Variants in WDR86 observed in about 807,000 individuals in gnomAD.
WDR86 encodes the protein WD repeat domain 86, also known as WD repeat-containing protein 86.
Under a neutral mutation model 36.5 loss-of-function variants are expected in WDR86, and 30 were observed. The observed-to-expected ratio is 0.82, with a 90% CI of 0.61 to 1.11. The LOEUF (loss-of-function observed/expected upper bound fraction) is 1.11, where lower values mean the gene tolerates loss of function less well. Ranked by LOEUF, WDR86 falls within the 50% of genes most tolerant of loss-of-function variation. WDR86 has a pLI of 0.00. For missense variants in WDR86, 545 were observed against 561.2 expected, an observed-to-expected ratio of 0.97 and a Z score of 0.29; for synonymous variants, 255 against 252.9, an observed-to-expected ratio of 1.01 and a Z score of -0.08.
At chr7:151,410,621 T>A (rs1172244279), upstream of WDR86, 2 of 152,272 alleles carry the variant, frequency 1.3e-5, no homozygotes, top group East Asian at 3.9e-4. Context: ...TCCCTCGGCC[T>A]GGGGCGCCTC....
intron 3 of WDR86, among the ~76,000 whole-genome samples, chr7:151,391,823 G>A (rs1256984099): frequency 1.3e-5 from 2 of 151,466 alleles, no homozygotes; most frequent in African/African-American, 2.4e-5. Flanking sequence ...TCCAAGTACA[G>A]GGGTGCGCCT....
Position 151,389,998 on chromosome 7 carries a change from C to A in WDR86, c.727-4775G>T, listed in dbSNP as rs567723111. Among the ~76,000 whole-genome samples, 6 of 152,276 alleles carry A rather than the reference C, an allele frequency of 3.9e-5. No individual in the cohort carries two copies. In the East Asian group the frequency reaches 1.2e-3, roughly 29 times the overall value. On this transcript the variant is annotated intron_variant, in intron 3 of 5. Transcript: ENST00000334493. ...GATGGGGGTGCCGGTGAGCCAGGGGCTGAATGCACAATCTCCAGCCCAGCA... is the reference window on the plus strand; with the variant it reads ...GATGGGGGTGCCGGTGAGCCAGGGGATGAATGCACAATCTCCAGCCCAGCA...
In WDR86 at chr7:151,405,754, C is replaced by A. The variant is rs1405841727; in HGVS notation, c.163+3673G>T. ...TCCTTCAGCCCAGTCTTCTGGGCCA[C>A]TGCTCTCCCGCCAGGCTTCACAGGG... On this transcript the variant is annotated intron_variant, in intron 1 of 5. Coordinates refer to ENST00000334493, the MANE Select transcript of WDR86 (RefSeq NM_198285.3). This position sits in a 1 kb window ranked among gnomAD's most constrained non-coding sequence, Gnocchi z 4.7. Among the ~76,000 whole-genome samples the A allele has an allele frequency of 6.6e-6, 1 of 152,208 alleles. No homozygotes were observed. The highest frequency in any genetic ancestry group is 1.5e-5 in the Non-Finnish European group (1 of 68,040).
At chr7:151,394,658 C>T (rs1466884008) in intron 3 of WDR86, among the ~76,000 whole-genome samples, 6 of 152,238 alleles carry the variant, frequency 3.9e-5, no homozygotes, top group Non-Finnish European at 7.3e-5. Flanking sequence ...GGGATGGTCA[C>T]GGTCGCGGCG....
At position 151,385,096 on chromosome 7, in the gene WDR86, G is replaced by A. The variant is rs770050772; in HGVS notation, c.854C>T (p.Ala285Val). The change falls in exon 4 of 6, where the codon GCG becomes GTG. Residue 285 changes from alanine (A) to valine (V), a missense_variant. By Grantham distance (64) the Ala-to-Val change is moderately conservative. Coordinates refer to ENST00000334493, the MANE Select transcript of WDR86 (RefSeq NM_198285.3). ...AGGGCCAAGTCACTTACAGGTGCCC[G>A]CGTGGTACTTGAGGGCGCTCACGTT... ...RRNVSALKYHAGTLFTGSGDA... is the reference protein window; with the variant it reads ...RRNVSALKYHVGTLFTGSGDA... The A allele has an allele frequency of 2.9e-5, 47 of 1,603,164 alleles. No homozygotes were observed. The highest frequency in any genetic ancestry group is 2.1e-4 in the Middle Eastern group (1 of 4,828).
chr7:151,376,500 C>A, downstream of WDR86: 1 of 848,658 alleles, frequency 1.2e-6, no homozygotes, highest in Non-Finnish European at 1.8e-6. Context: ...AGAAGCATGA[C>A]TTGTGCACAA....
intron 4 of WDR86, among the ~76,000 whole-genome samples, chr7:151,382,368 C>T (rs911863270): frequency 1.3e-5 from 2 of 152,188 alleles, no homozygotes; most frequent in African/African-American, 4.8e-5. Flanking sequence ...TCCTCATTAA[C>T]GGATCGGCAC....
chr7:151,377,314 T>A, downstream of WDR86: 1 of 967,210 alleles, frequency 1.0e-6, no homozygotes, highest in Non-Finnish European at 1.5e-6. Flanking sequence ...TTACTTTTTA[T>A]CTGAATTACA....
At chr7:151,395,702 C>T in intron 3 of WDR86, 74 bp downstream of exon 3, 1 of 1,454,916 alleles carries the variant, frequency 6.9e-7, no homozygotes, top group Non-Finnish European at 9.2e-7. Flanking sequence ...ATCACAGATA[C>T]CCAGGGCAGG....
At chr7:151,392,512 G>A (rs1799509682) in intron 3 of WDR86, among the ~76,000 whole-genome samples, 1 of 152,190 alleles carries the variant, frequency 6.6e-6, no homozygotes, top group South Asian at 2.1e-4. Context: ...CCTACCCGGG[G>A]GGTGGGCCTT....
intron 3 of WDR86, among the ~76,000 whole-genome samples, chr7:151,394,142 A>T (rs563720725): frequency 1.3e-5 from 2 of 152,168 alleles, no homozygotes; most frequent in African/African-American, 2.4e-5. Flanking sequence ...TGCTCTCCCA[A>T]GCCCCTCATC....
Position 151,381,262 on chromosome 7 carries a change from G to A in WDR86, c.*320C>T, listed in dbSNP as rs1207758404. Reference sequence around the variant, plus strand: ...AAGGCCCAGTTTCGTGGGGCTGGGGGAGCTGGGGCAGTCCGCCTGCAGCCC... The same window carrying A: ...AAGGCCCAGTTTCGTGGGGCTGGGGAAGCTGGGGCAGTCCGCCTGCAGCCC... On this transcript the variant is annotated 3_prime_UTR_variant, in exon 6 of 6. Transcript: ENST00000334493. The surrounding 1 kb of genome is among the most constrained non-coding windows in gnomAD (Gnocchi z 4.8). 4 of 1,311,584 alleles carry A rather than the reference G, an allele frequency of 3.0e-6. No individual in the cohort carries two copies. The highest frequency in any genetic ancestry group is 2.2e-5 in the South Asian group (1 of 44,844). 81.2% of individuals were successfully genotyped at this position (1,311,584 alleles called of 1,614,324 possible). A position where few individuals can be genotyped will look rare whatever the true frequency, so the allele number is the denominator to read the frequency against.
At chr7:151,399,200 G>A (rs904209834) in intron 2 of WDR86, among the ~76,000 whole-genome samples, 3 of 152,158 alleles carry the variant, frequency 2.0e-5, no homozygotes, top group South Asian at 4.1e-4. Flanking sequence ...CCCGTCCATC[G>A]ACTATCGATT....
chr7:151,386,655 G>A (rs1036843532), intron 3 of WDR86, among the ~76,000 whole-genome samples: 3 of 152,168 alleles, frequency 2.0e-5, no homozygotes, highest in Non-Finnish European at 4.4e-5. Flanking sequence ...TGCCAGTAAT[G>A]CGGGCACCAG....
Position 151,381,501 on chromosome 7 carries a change from C to T in WDR86, c.*81G>A, listed in dbSNP as rs1231903146. On this transcript the variant is annotated 3_prime_UTR_variant, in exon 6 of 6. Transcript: ENST00000334493. The surrounding 1 kb of genome is among the most constrained non-coding windows in gnomAD (Gnocchi z 4.8). ...TCCTCGCCCCTCGCCGGCCATCGGG[C>T]GCCACCACCGCGGGTAGCAGGGCGG... is the stretch of plus-strand genomic sequence containing the variant. 2.8e-6 allele frequency: 4 copies of T among 1,453,754 alleles called. No individual in the cohort carries two copies. Among genetic ancestry groups the T allele is most frequent in the South Asian group, 2.7e-5 (2 of 74,978 alleles). 90.1% of individuals were successfully genotyped at this position (1,453,754 alleles called of 1,614,324 possible).
Position 151,406,964 on chromosome 7 carries a change from G to A in WDR86, c.163+2463C>T, listed in dbSNP as rs751436620. 6.6e-6 allele frequency among the ~76,000 whole-genome samples: 1 copy of A among 151,902 alleles called. No individual in the cohort carries two copies. The highest frequency in any genetic ancestry group is 1.5e-5 in the Non-Finnish European group (1 of 67,990). ...AAAAATCCTGCAGGAGAAAGGAACT[G>A]GCAACACCTTGCTTTCTTTGGGGAT... On this transcript the variant is annotated intron_variant, in intron 1 of 5. Transcript: ENST00000334493. The surrounding 1 kb of genome is among the most constrained non-coding windows in gnomAD (Gnocchi z 4.4).
intron 4 of WDR86, among the ~76,000 whole-genome samples, chr7:151,382,979 CTTTT>C (rs58266298): frequency 7.1e-6 from 1 of 141,220 alleles, no homozygotes; most frequent in Non-Finnish European, 1.5e-5. Context: ...GTTCCCCAGC[CTTTT>C]TTTTTTTTTT....
In WDR86 at chr7:151,387,234, A is replaced by AAGGAGGCTTCCTGGGTGACCAGGGC. The variant is rs1799051513; in HGVS notation, c.727-2036_727-2012dup. Among the ~76,000 whole-genome samples the AAGGAGGCTTCCTGGGTGACCAGGGC allele has an allele frequency of 3.9e-5, 6 of 152,238 alleles. No individual in the cohort carries two copies. In the South Asian group the frequency reaches 1.2e-3, roughly 32 times the overall value. On this transcript the variant is annotated intron_variant, in intron 3 of 5. Coordinates refer to ENST00000334493, the MANE Select transcript of WDR86 (RefSeq NM_198285.3). ...CTCTGTGCTGCTCAGCCCCTGCACC[A>AAGGAGGCTTCCTGGGTGACCAGGGC]AGGAGGCTTCCTGGGTGACCAGGGC... is the stretch of plus-strand genomic sequence containing the variant.
At position 151,381,658 on chromosome 7, in the gene WDR86, G is replaced by C. The variant is rs1294105498; in HGVS notation, c.1055C>G (p.Pro352Arg). The C allele has an allele frequency of 3.6e-6, 5 of 1,401,180 alleles. No individual in the cohort carries two copies. In the East Asian group the frequency reaches 1.2e-4, roughly 33 times the overall value. The allele number at this position is 1,401,180 out of a possible 1,614,324, so 86.8% of individuals were successfully genotyped here. A position where few individuals can be genotyped will look rare whatever the true frequency, so the allele number is the denominator to read the frequency against. Reference protein sequence around the residue: ...VRGLRGAPRPPPPMRSLSRLF... With the variant: ...VRGLRGAPRPRPPMRSLSRLF... ...CCGCGAGAGGCTGCGCATGGGCGGA[G>C]GGGGCCGCGGGGCACCTCGGAGCCC... The change falls in exon 6 of 6, where the codon CCT becomes CGT. Residue 352 changes from proline to arginine, a missense_variant. Transcript: ENST00000334493. This position sits in a 1 kb window ranked among gnomAD's most constrained non-coding sequence, Gnocchi z 4.8.
Sources: gnomAD v4.1 joint callset for allele counts (sites outside exome capture counted in the v4.1 genomes callset) on GRCh38, gnomAD v4.1.1 for gene constraint, Gnocchi (gnomAD v3.1) non-coding constraint, MANE v1.5 for transcripts, NCBI Gene and HGNC (gene_info 2026-07-23, HGNC 2026-07-21) for gene names.